ANKRD30B: variants seen among roughly 807,000 people sequenced by gnomAD.
ANKRD30B encodes ankyrin repeat domain-containing protein 30B.
Under a neutral mutation model 202.2 loss-of-function variants are expected in ANKRD30B, and 144 were observed. The ratio of observed to expected loss-of-function variants is 0.71; its 90% confidence interval spans 0.62 to 0.82. The LOEUF (loss-of-function observed/expected upper bound fraction) is 0.82, where lower values mean the gene tolerates loss of function less well. Ranked by LOEUF, ANKRD30B falls within the 40% of genes least tolerant of loss-of-function variation. The pLI is 0.00. For missense variants in ANKRD30B, 1,487 were observed against 1,669.1 expected (o/e 0.89, Z 1.90); for synonymous variants, 508 against 561.3 (o/e 0.91, Z 1.34).
chr18:14,821,014 A>T (rs1273708063), intron 30 of ANKRD30B, among the ~76,000 whole-genome samples: 1 of 152,078 alleles, frequency 6.6e-6, no homozygotes, highest in African/African-American at 2.4e-5. Flanking sequence ...TGGTTGGTAA[A>T]CTATTGATTA....
chr18:14,906,676 G>C, the ANKRD30B span, among the ~76,000 whole-genome samples: 3 of 152,040 alleles, frequency 2.0e-5, no homozygotes, highest in African/African-American at 7.3e-5. Context: ...TGTCAATTCT[G>C]TTTAGTCCCA....
At chr18:14,795,228 G>A (rs185723601) in intron 16 of ANKRD30B, among the ~76,000 whole-genome samples, 3,002 of 152,030 alleles carry the variant, frequency 0.02, 27 homozygotes, top group Non-Finnish European at 0.031. Flanking sequence ...ACAGAGTCTC[G>A]CTCTGTCATC....
chr18:14,822,514 A>C lies in ANKRD30B; in HGVS notation c.2670+3A>C. Reference sequence around the variant, plus strand: ...CTGATAAAGATGGTCTTCTGAAGGTAATAACTTTTATATTTTTATCTTGAA... The same window carrying C: ...CTGATAAAGATGGTCTTCTGAAGGTCATAACTTTTATATTTTTATCTTGAA... On this transcript the variant is annotated splice_donor_region_variant and intron_variant, in intron 31 of 43. Coordinates refer to ENST00000690538, the MANE Select transcript of ANKRD30B (RefSeq NM_001367607.2). 1 of 1,342,052 alleles carries C rather than the reference A, an allele frequency of 7.5e-7. No homozygotes were observed. Among genetic ancestry groups the C allele is most frequent in the South Asian group, 1.2e-5 (1 of 84,462 alleles). 83.1% of individuals were successfully genotyped at this position (1,342,052 alleles called of 1,614,324 possible).
chr18:14,879,762 A>C, the ANKRD30B span, among the ~76,000 whole-genome samples: 2 of 149,056 alleles, frequency 1.3e-5, no homozygotes, highest in South Asian at 4.4e-4. Context: ...GGTTAGGGTC[A>C]GGGGATAGGG....
the ANKRD30B span, among the ~76,000 whole-genome samples, chr18:14,865,912 C>A: frequency 6.6e-6 from 1 of 152,150 alleles, no homozygotes; most frequent in African/African-American, 2.4e-5. Flanking sequence ...TCTTCTTCAG[C>A]ACCATTTATG....
At chr18:14,879,160 G>A in the ANKRD30B span, among the ~76,000 whole-genome samples, 6 of 152,150 alleles carry the variant, frequency 3.9e-5, no homozygotes, top group Non-Finnish European at 1.5e-5. Context: ...GGGCCACATC[G>A]ACAGTGAATA....
chr18:14,932,732 C>T, the ANKRD30B span, among the ~76,000 whole-genome samples: 5 of 152,168 alleles, frequency 3.3e-5, no homozygotes, highest in African/African-American at 1.2e-4. Context: ...TCCTGAAGAC[C>T]CTCTCAGGCT....
the ANKRD30B span, among the ~76,000 whole-genome samples, chr18:14,897,569 A>T: frequency 6.6e-5 from 10 of 152,178 alleles, no homozygotes; most frequent in African/African-American, 2.4e-4. Flanking sequence ...GTTATGAAAA[A>T]AATTAATAAA....
At chr18:14,895,547 T>G in the ANKRD30B span, among the ~76,000 whole-genome samples, 1 of 152,170 alleles carries the variant, frequency 6.6e-6, no homozygotes, top group Admixed American at 6.5e-5. Flanking sequence ...AATTGAAAAC[T>G]TATGTCCACA....
chr18:14,873,977 G>A, the ANKRD30B span, among the ~76,000 whole-genome samples: 3 of 152,242 alleles, frequency 2.0e-5, no homozygotes, highest in Non-Finnish European at 4.4e-5. Context: ...TTTGTATGTG[G>A]TAAGGTGGCT....
chr18:14,795,024 A>G (rs34911728), intron 16 of ANKRD30B, among the ~76,000 whole-genome samples: 17 of 152,238 alleles, frequency 1.1e-4, no homozygotes, highest in Admixed American at 7.9e-4. Flanking sequence ...TTAACAACTC[A>G]CATGGTATAA....
At chr18:14,789,843 C>T (rs1968346791) in intron 15 of ANKRD30B, among the ~76,000 whole-genome samples, 1 of 151,990 alleles carries the variant, frequency 6.6e-6, no homozygotes, top group African/African-American at 2.4e-5. Context: ...CAGCTTTGTT[C>T]TTTTGGCTTA....
chr18:14,894,188 T>G, the ANKRD30B span, among the ~76,000 whole-genome samples: 1 of 152,226 alleles, frequency 6.6e-6, no homozygotes, highest in African/African-American at 2.4e-5. Context: ...TTTTTCTGTT[T>G]ATTATTTAAA....
chr18:14,847,118 C>T, intron 39 of ANKRD30B, among the ~76,000 whole-genome samples: 1 of 132,510 alleles, frequency 7.5e-6, no homozygotes, highest in African/African-American at 2.8e-5. Context: ...AGTTATTGAT[C>T]TGGTTGTATA....
intron 32 of ANKRD30B, among the ~76,000 whole-genome samples, chr18:14,827,159 A>G (rs1970704184): frequency 6.6e-6 from 1 of 152,178 alleles, no homozygotes; most frequent in South Asian, 2.1e-4. Flanking sequence ...TCATTGAGCC[A>G]TGATAATGTT....
rs10572502 is a variant in ANKRD30B at position 14,786,044 on chromosome 18, C to CAA, written c.1673-969_1673-968dup. On this transcript the variant is annotated intron_variant, in intron 14 of 43. Coordinates refer to ENST00000690538, the MANE Select transcript of ANKRD30B (RefSeq NM_001367607.2). ...TGGGCGACAGAGCGAGACTCCGTCT[C>CAA]AAAAAAAAAAAAAAAAAAAAAAAAA... is the stretch of plus-strand genomic sequence containing the variant. Among the ~76,000 whole-genome samples the CAA allele has an allele frequency of 3.6e-3, 262 of 72,754 alleles. 18 individuals carry two copies. The highest frequency in any genetic ancestry group is 0.015 in the African/African-American group (244 of 16,324). 47.7% of individuals were successfully genotyped at this position (72,754 alleles called of 152,430 possible).
chr18:14,880,171 G>A, the ANKRD30B span, among the ~76,000 whole-genome samples: 1 of 152,038 alleles, frequency 6.6e-6, no homozygotes, highest in East Asian at 1.9e-4. Context: ...TGTTTACTTT[G>A]TCGAAGATCA....
intron 32 of ANKRD30B, among the ~76,000 whole-genome samples, chr18:14,824,801 G>A (rs1447958558): frequency 6.6e-6 from 1 of 152,164 alleles, no homozygotes; most frequent in Non-Finnish European, 1.5e-5. Context: ...AAATATATTA[G>A]GTGATGTGGT....
intron 16 of ANKRD30B, among the ~76,000 whole-genome samples, chr18:14,793,816 C>G (rs1568018037): frequency 6.6e-6 from 1 of 151,696 alleles, no homozygotes; most frequent in Non-Finnish European, 1.5e-5. Context: ...ATGGCCTGAA[C>G]CCGGGAGGTG....
Sources: allele counts gnomAD v4.1 joint callset (sites outside exome capture counted in the v4.1 genomes callset), GRCh38; gene constraint gnomAD v4.1.1; transcripts MANE v1.5; gene names NCBI Gene and HGNC (gene_info 2026-07-23, HGNC 2026-07-21).